Variants in DBT observed in about 807,000 individuals in gnomAD.
DBT encodes the protein dihydrolipoamide branched chain transacylase E2.
DBT carries 40 observed loss-of-function variants against 51.3 expected under a neutral mutation model. The observed-to-expected ratio is 0.78, with a 90% CI of 0.61 to 1.02. DBT has a LOEUF of 1.02. Ranked by LOEUF, DBT falls within the 50% of genes least tolerant of loss-of-function variation. The pLI is 0.00. For synonymous variants in DBT, 181 were observed against 190.4 expected (o/e 0.95, Z 0.41); for missense variants, 510 against 580.2 (o/e 0.88, Z 1.24).
chr1:100,234,655 C>G (rs934549954), intron 3 of DBT, among the ~76,000 whole-genome samples: 1 of 152,134 alleles, frequency 6.6e-6, no homozygotes, highest in Non-Finnish European at 1.5e-5. Context: ...AAGTGAGTCA[C>G]AGGTAGGACA....
chr1:100,229,801 G>A (rs1472531751), intron 4 of DBT, among the ~76,000 whole-genome samples: 2 of 152,164 alleles, frequency 1.3e-5, no homozygotes, highest in Admixed American at 6.5e-5. Flanking sequence ...CAACAGTGCT[G>A]TAAGGAACTT....
intron 8 of DBT, among the ~76,000 whole-genome samples, 154 bp from the exon 9 acceptor site, chr1:100,206,790 A>G (rs1397207063): frequency 6.6e-6 from 1 of 152,234 alleles, no homozygotes; most frequent in Non-Finnish European, 1.5e-5. Flanking sequence ...ATAATTTTTA[A>G]AAGATTTTTT....
intron 4 of DBT, among the ~76,000 whole-genome samples, chr1:100,229,616 CTAAG>C (rs1158464306): frequency 6.6e-6 from 1 of 152,188 alleles, no homozygotes; most frequent in Non-Finnish European, 1.5e-5. Flanking sequence ...GACTGTAGAA[CTAAG>C]TGTCAGCCAG....
intron 2 of DBT, among the ~76,000 whole-genome samples, chr1:100,238,728 A>G (rs1203560171): frequency 6.6e-6 from 1 of 152,172 alleles, no homozygotes; most frequent in Non-Finnish European, 1.5e-5. Context: ...GTCTAGCTTA[A>G]TGACTTACTG....
Position 100,206,309 on chromosome 1 carries a change from T to A in DBT, c.1210-8A>T, listed in dbSNP as rs535837017. The A allele has an allele frequency of 4.1e-4, 595 of 1,449,430 alleles. No homozygotes were observed. Among genetic ancestry groups the A allele is most frequent in the South Asian group, 3.8e-3 (322 of 84,652 alleles). 89.8% of individuals were successfully genotyped at this position (1,449,430 alleles called of 1,614,324 possible). ...GGCAAAGGTACCACCAATCTATTTT[T>A]TAAAAAAAAAAAAAGGAGAGTATTA... On this transcript the variant is annotated splice_region_variant and splice_polypyrimidine_tract_variant and intron_variant, in intron 9 of 10. Transcript: ENST00000370132.
intron 4 of DBT, among the ~76,000 whole-genome samples, chr1:100,223,399 TTTC>T (rs1282065910): frequency 6.6e-6 from 1 of 152,118 alleles, no homozygotes; most frequent in Non-Finnish European, 1.5e-5. Flanking sequence ...TGAGACAGGG[TTTC>T]CTCTGTCTGA....
Position 100,190,978 on chromosome 1 carries a change from T to C in DBT, c.*5277A>G, listed in dbSNP as rs943647358. 6.6e-6 allele frequency: 1 copy of C among 152,256 alleles called. No individual in the cohort carries two copies. The highest frequency in any genetic ancestry group is 1.5e-5 in the Non-Finnish European group (1 of 68,048). 9.4% of individuals were successfully genotyped at this position (152,256 alleles called of 1,614,324 possible). A position where few individuals can be genotyped will look rare whatever the true frequency, so the allele number is the denominator to read the frequency against. On this transcript the variant is annotated 3_prime_UTR_variant, in exon 11 of 11. Transcript: ENST00000370132. ...TCCAGATATTTCACAGAAAGTGTCA[T>C]GTAAATTCAAATAGGTATCTTCTTT...
At chr1:100,209,532 T>C (rs929195607) in intron 8 of DBT, among the ~76,000 whole-genome samples, 1 of 152,198 alleles carries the variant, frequency 6.6e-6, no homozygotes, top group Non-Finnish European at 1.5e-5. Flanking sequence ...GCTCACTTTC[T>C]GGTTGTACAT....
intron 7 of DBT, among the ~76,000 whole-genome samples, chr1:100,211,598 G>A (rs1048927975): frequency 2.0e-5 from 3 of 152,066 alleles, no homozygotes. Flanking sequence ...TCAGTGCATC[G>A]GGGTCTTGAT....
At chr1:100,218,863 G>A in intron 4 of DBT, 116 bp from the exon 5 acceptor site, 1 of 704,860 alleles carries the variant, frequency 1.4e-6, no homozygotes, top group Non-Finnish European at 2.3e-6. Context: ...AAAGTTTATA[G>A]TCTAAATGTA....
At chr1:100,209,088 CTTTTCTTTTCT>C (rs1478532264) in intron 8 of DBT, among the ~76,000 whole-genome samples, 23 of 103,446 alleles carry the variant, frequency 2.2e-4, no homozygotes, top group Admixed American at 2.0e-3. Context: ...TTTTTCTTTT[CTTTTCTTTTCT>C]TTTTTTTTTT....
rs1463759293 is a variant in DBT, at chr1:100,218,663, G to T, written c.518C>A (p.Ala173Glu). The change falls in exon 5 of 11, where the codon GCA becomes GAA. Residue 173 changes from alanine (A) to glutamate (E), a missense_variant. By Grantham distance (107) the Ala-to-Glu change is moderately radical (BLOSUM62 -1). Transcript: ENST00000370132. ...HQEIKGRKTL[A>E]TPAVRRLAME... The stretch of plus-strand genomic sequence containing the variant: ...TGCCAGACGGCGAACTGCAGGAGTT[G>T]CCAGTGTTTTTCGGCCCTTTATCTC... The T allele has an allele frequency of 6.2e-7, 1 of 1,613,806 alleles. No individual in the cohort carries two copies. The highest frequency in any genetic ancestry group is 1.3e-5 in the African/African-American group (1 of 74,872).
chr1:100,224,844 G>A (rs1433976992), intron 4 of DBT, among the ~76,000 whole-genome samples: 5 of 150,878 alleles, frequency 3.3e-5, no homozygotes, highest in Non-Finnish European at 5.9e-5. Context: ...GTGAAACCCC[G>A]TCTCTACTAA....
chr1:100,217,894 A>G (rs1213895196), intron 5 of DBT, among the ~76,000 whole-genome samples: 1 of 152,060 alleles, frequency 6.6e-6, no homozygotes, highest in African/African-American at 2.4e-5. Flanking sequence ...GGAGTGATAT[A>G]GACTCACTTT....
intron 1 of DBT, among the ~76,000 whole-genome samples, chr1:100,244,141 A>G (rs1390163589): frequency 6.6e-6 from 1 of 151,314 alleles, no homozygotes; most frequent in East Asian, 1.9e-4. Context: ...TGACCTGGGA[A>G]GGCTTCTTGG....
Position 100,192,479 on chromosome 1 carries a change from G to A in DBT, c.*3776C>T, listed in dbSNP as rs527699536. 5 of 152,300 alleles carry A rather than the reference G, an allele frequency of 3.3e-5. No homozygotes were observed. The highest frequency in any genetic ancestry group is 1.2e-4 in the African/African-American group (5 of 41,576). 9.4% of individuals were successfully genotyped at this position (152,300 alleles called of 1,614,324 possible). A position where few individuals can be genotyped will look rare whatever the true frequency, so the allele number is the denominator to read the frequency against. On this transcript the variant is annotated 3_prime_UTR_variant, in exon 11 of 11. Transcript: ENST00000370132. ...TGGAAACATTTGTATTCTTGGTACTGTAGGGCAGTGCTGAGCCCTGTCATT... is the reference window on the plus strand; with the variant it reads ...TGGAAACATTTGTATTCTTGGTACTATAGGGCAGTGCTGAGCCCTGTCATT...
chr1:100,190,441 T>C lies in DBT; in HGVS notation c.*5814A>G, dbSNP rs551652901. 3 of 152,314 alleles carry C rather than the reference T, an allele frequency of 2.0e-5. No homozygotes were observed. Among genetic ancestry groups the C allele is most frequent in the Non-Finnish European group, 4.4e-5 (3 of 68,044 alleles). 9.4% of individuals were successfully genotyped at this position (152,314 alleles called of 1,614,324 possible). On this transcript the variant is annotated 3_prime_UTR_variant, in exon 11 of 11. Transcript: ENST00000370132. ...GCAGGCTGAAAGAAAAGGAACAAGG[T>C]TTATGGACACATAACATTACCCTGC... is the stretch of plus-strand genomic sequence containing the variant.
chr1:100,221,459 A>G (rs1662853725), intron 4 of DBT, among the ~76,000 whole-genome samples: 1 of 152,134 alleles, frequency 6.6e-6, no homozygotes, highest in Non-Finnish European at 1.5e-5. Context: ...GTTTTTACAC[A>G]TATTTTCTCC....
intron 2 of DBT, among the ~76,000 whole-genome samples, chr1:100,238,316 A>C (rs1664010564): frequency 2.5e-5 from 2 of 78,996 alleles, no homozygotes; most frequent in East Asian, 5.0e-4. Flanking sequence ...CTAGGTTTCT[A>C]GCTTCCCTCC....
Sources: allele counts gnomAD v4.1 joint callset (sites outside exome capture counted in the v4.1 genomes callset), GRCh38; gene constraint gnomAD v4.1.1; transcripts MANE v1.5; gene names NCBI Gene and HGNC (gene_info 2026-07-23, HGNC 2026-07-21).